Variants in SLC28A1 observed in about 807,000 individuals in gnomAD.
SLC28A1 encodes the protein sodium/nucleoside cotransporter 1.
A neutral mutation model predicts 74.8 loss-of-function variants in SLC28A1; 64 were observed. The ratio of observed to expected loss-of-function variants is 0.86; its 90% CI spans 0.70 to 1.05. The LOEUF (loss-of-function observed/expected upper bound fraction) is 1.05. SLC28A1 is among the 50% of genes least tolerant of loss of function. The probability of loss-of-function intolerance (pLI) is 0.00; values close to 1 mark genes in which losing one functional copy is unlikely to be tolerated. For synonymous variants in SLC28A1, 359 were observed against 335.0 expected, an observed-to-expected ratio of 1.07 and a Z score of -0.78; for missense variants, 828 against 822.8, an observed-to-expected ratio of 1.01 and a Z score of -0.08.
At chr15:84,910,456 C>A (rs111607010) in intron 9 of SLC28A1, among the ~76,000 whole-genome samples, 5 of 152,300 alleles carry the variant, frequency 3.3e-5, no homozygotes, top group East Asian at 3.9e-4. Flanking sequence ...CAGCTGGGCG[C>A]GGTGGCTCAT....
chr15:84,901,950 A>C (rs1015616139), intron 6 of SLC28A1, among the ~76,000 whole-genome samples: 1 of 152,208 alleles, frequency 6.6e-6, no homozygotes, highest in African/African-American at 2.4e-5. Context: ...AAAACTGGAA[A>C]TCACCAAAAT....
intron 12 of SLC28A1, 82 bp from the exon 13 acceptor site, chr15:84,933,063 C>G (rs2141998995): frequency 7.0e-7 from 1 of 1,425,216 alleles, no homozygotes; most frequent in South Asian, 1.2e-5. Flanking sequence ...ACACATGTGC[C>G]CTTGCTGCCC....
At chr15:84,926,808 G>T (rs566724542) in intron 12 of SLC28A1, among the ~76,000 whole-genome samples, 1 of 143,678 alleles carries the variant, frequency 7.0e-6, no homozygotes, top group Non-Finnish European at 1.5e-5. Context: ...GGGGAGGGGG[G>T]GGGTGGTGGT....
intron 8 of SLC28A1, among the ~76,000 whole-genome samples, chr15:84,906,569 T>C (rs12899666): frequency 0.014 from 1,186 of 84,544 alleles, 51 homozygotes; most frequent in African/African-American, 0.048. Context: ...TCTTTCTCTT[T>C]CTTTCTTCCT....
At chr15:84,972,207 A>G in the SLC28A1 span, among the ~76,000 whole-genome samples, 1 of 152,344 alleles carries the variant, frequency 6.6e-6, no homozygotes, top group East Asian at 1.9e-4. Context: ...TCCACTGGCC[A>G]GACCCAATTA....
At chr15:84,970,509 G>A in the SLC28A1 span, among the ~76,000 whole-genome samples, 4 of 152,162 alleles carry the variant, frequency 2.6e-5, no homozygotes, top group African/African-American at 7.2e-5. Context: ...GACAGAAAAC[G>A]AACTGTGTCT....
intron 9 of SLC28A1, among the ~76,000 whole-genome samples, chr15:84,912,438 C>G (rs554141569): frequency 3.8e-4 from 58 of 152,226 alleles, no homozygotes; most frequent in African/African-American, 1.3e-3. Flanking sequence ...AAAGTCTCTC[C>G]CTAGGGCTTC....
At chr15:84,912,041 T>G (rs16974612) in intron 9 of SLC28A1, among the ~76,000 whole-genome samples, 32,797 of 152,102 alleles carry the variant, frequency 0.22, 3,966 homozygotes, top group South Asian at 0.49. Context: ...GGCCCTGTCC[T>G]CTGGACAAAT....
the SLC28A1 span, among the ~76,000 whole-genome samples, chr15:84,958,141 T>C: frequency 1.3e-5 from 2 of 152,242 alleles, no homozygotes; most frequent in Admixed American, 1.3e-4. Context: ...GATTTTTGTA[T>C]ATTGGTCTTA....
chr15:84,967,043 G>A, the SLC28A1 span, among the ~76,000 whole-genome samples: 4 of 152,158 alleles, frequency 2.6e-5, no homozygotes, highest in Admixed American at 2.6e-4. Context: ...AGCCTCCTGA[G>A]TAGCTGGGAT....
At chr15:84,895,740 A>C (rs905295024) in intron 6 of SLC28A1, 69 of 1,246,000 alleles carry the variant, frequency 5.5e-5, no homozygotes, top group Non-Finnish European at 6.3e-5. Context: ...GTTCACACAA[A>C]AAAGAAAATT....
chr15:84,952,177 C>G, the SLC28A1 span, among the ~76,000 whole-genome samples: 2 of 152,198 alleles, frequency 1.3e-5, no homozygotes, highest in East Asian at 3.8e-4. Context: ...CCCCTCCCAC[C>G]TGCCAAACAC....
rs770611792 is a variant in SLC28A1 at position 84,935,101 on chromosome 15, C to T, written c.1290C>T (p.Ala430=). Residue 430 remains alanine, a synonymous_variant, in exon 14 of 19, where the codon GCC becomes GCT. Coordinates refer to ENST00000394573, the MANE Select transcript of SLC28A1 (RefSeq NM_004213.5). The part of the protein sequence containing the change: ...ISVKVVANIA[A]NLIAFLAVLD... ...TGAAGGTGGTCGCCAACATCGCTGC[C>T]AACCTGATTGCGTTCCTGGCTGTGC... 6.2e-7 allele frequency: 1 copy of T among 1,614,106 alleles called. No homozygotes were observed. The highest frequency in any genetic ancestry group is 1.7e-5 in the Admixed American group (1 of 60,020).
At chr15:84,888,915 C>A in intron 4 of SLC28A1, 55 bp downstream of exon 4, 1 of 1,283,600 alleles carries the variant, frequency 7.8e-7, no homozygotes, top group Non-Finnish European at 1.1e-6. Flanking sequence ...TGCTTGGGAA[C>A]AGGATGGGGA....
At chr15:84,949,024 G>C (rs752938216), downstream of SLC28A1, among the ~76,000 whole-genome samples, 2 of 152,108 alleles carry the variant, frequency 1.3e-5, no homozygotes, top group Non-Finnish European at 2.9e-5. Flanking sequence ...GTTTTAAAAA[G>C]TCAAATCTTA....
intron 12 of SLC28A1, among the ~76,000 whole-genome samples, chr15:84,924,909 T>A (rs76645585): frequency 3.2e-5 from 1 of 31,466 alleles, no homozygotes. Flanking sequence ...TTTTTTTGTT[T>A]GTTTGTTTTT....
At position 84,890,447 on chromosome 15, in the gene SLC28A1, A is replaced by G. The variant is rs1262818066; in HGVS notation, c.190A>G (p.Asn64Asp). 9 of 1,607,928 alleles carry G rather than the reference A, an allele frequency of 5.6e-6. No individual in the cohort carries two copies. Among genetic ancestry groups the G allele is most frequent in the Non-Finnish European group, 3.4e-6 (4 of 1,178,274 alleles). The part of the protein sequence containing the change: ...AAPKPFSRWR[N>D]LQPALRARSF... ...CCCTGCTGGTCTTGTTCCCAGGAGG[A>G]ACCTGCAGCCAGCCCTGAGAGCCAG... is the stretch of plus-strand genomic sequence containing the variant. The change falls in exon 5 of 19, where the codon AAC becomes GAC. Residue 64 changes from asparagine to aspartate, a missense_variant. This residue lies in a region of SLC28A1 where 767 missense variants were observed against 753.5 expected (regional missense o/e 1.02). Coordinates refer to ENST00000394573, the MANE Select transcript of SLC28A1 (RefSeq NM_004213.5).
At chr15:84,945,022 G>C in intron 18 of SLC28A1, 103 bp from the exon 19 acceptor site, 1 of 1,180,404 alleles carries the variant, frequency 8.5e-7, no homozygotes, top group Non-Finnish European at 1.3e-6. Flanking sequence ...TGGAGGAAGG[G>C]TGGACCAGAG....
At chr15:84,962,962 C>T in the SLC28A1 span, among the ~76,000 whole-genome samples, 308 of 152,292 alleles carry the variant, frequency 2.0e-3, no homozygotes, top group Non-Finnish European at 3.4e-3. Context: ...AGCAGAGCCA[C>T]CAAGCCTGAG....
Sources: gnomAD v4.1 joint callset for allele counts (sites outside exome capture counted in the v4.1 genomes callset) on GRCh38, gnomAD v4.1.1 for gene constraint, gnomAD v4.1.1 regional missense constraint, MANE v1.5 for transcripts, NCBI Gene and HGNC (gene_info 2026-07-23, HGNC 2026-07-21) for gene names.